The following LGR4 variants were observed in gnomAD, a reference collection of about 807,000 sequenced individuals.
LGR4 encodes the protein leucine-rich repeat-containing G protein-coupled receptor 4.
In LGR4, 44 loss-of-function variants were observed where a neutral mutation model predicts 84.8. That is an observed-to-expected ratio of 0.52 (90% confidence interval 0.41 to 0.67). The LOEUF (loss-of-function observed/expected upper bound fraction) is 0.67. Among genes scored for constraint, LGR4 ranks in the 30% least tolerant of loss-of-function variants. The probability of loss-of-function intolerance (pLI) is 0.00; values close to 1 mark genes in which losing one functional copy is unlikely to be tolerated. For synonymous variants in LGR4, 429 were observed against 434.3 expected (o/e 0.99, Z 0.15); for missense variants, 1,032 against 1,131.4 (o/e 0.91, Z 1.26).
chr11:27,369,163 A>C lies in LGR4; in HGVS notation c.1580-20T>G, dbSNP rs762583974. 9 of 1,530,200 alleles carry C rather than the reference A, an allele frequency of 5.9e-6. No individual in the cohort carries two copies. Among genetic ancestry groups the C allele is most frequent in the Non-Finnish European group, 7.9e-6 (9 of 1,141,118 alleles). 94.8% of individuals were successfully genotyped at this position (1,530,200 alleles called of 1,614,324 possible). A position where few individuals can be genotyped will look rare whatever the true frequency, so the allele number is the denominator to read the frequency against. ...AAGCACCTAAAAAAAACACACACAG[A>C]GAGAGAGAAATAAAAGATAACTTAG... On this transcript the variant is annotated intron_variant, in intron 17 of 17. Coordinates refer to ENST00000379214, the MANE Select transcript of LGR4 (RefSeq NM_018490.5).
At chr11:27,393,804 AC>A (rs1276147595) in intron 2 of LGR4, among the ~76,000 whole-genome samples, 6 of 152,184 alleles carry the variant, frequency 3.9e-5, no homozygotes, top group African/African-American at 1.2e-4. Flanking sequence ...ATGTGAAGTC[AC>A]TGTGGCCTGA....
chr11:27,405,260 C>T (rs10501085), intron 2 of LGR4, among the ~76,000 whole-genome samples: 2,696 of 149,958 alleles, frequency 0.018, 81 homozygotes, highest in African/African-American at 0.062. Flanking sequence ...TGTGAAAAAC[C>T]TCTCCTCCCA....
chr11:27,472,147 G>T lies in LGR4; in HGVS notation c.156C>A (p.Pro52=). 7.2e-7 allele frequency: 1 copy of T among 1,397,440 alleles called. No homozygotes were observed. Among genetic ancestry groups the T allele is most frequent in the Non-Finnish European group, 9.3e-7 (1 of 1,077,474 alleles). The allele number at this position is 1,397,440 out of a possible 1,614,324, so 86.6% of individuals were successfully genotyped here. A position where few individuals can be genotyped will look rare whatever the true frequency, so the allele number is the denominator to read the frequency against. ...CTTGGGTGAAGGCGCTGAGCCCCTC[G>T]GGCACGGCCGTCAGCCCCTTCCCGG... is the stretch of plus-strand genomic sequence containing the variant. ...DCSGKGLTAV[P]EGLSAFTQAL... The change falls in exon 1 of 18, where the codon CCC becomes CCA. Residue 52 remains proline, a synonymous_variant. Coordinates refer to ENST00000379214, the MANE Select transcript of LGR4 (RefSeq NM_018490.5).
chr11:27,402,678 T>A (rs1386648589), intron 2 of LGR4, among the ~76,000 whole-genome samples: 1 of 152,154 alleles, frequency 6.6e-6, no homozygotes, highest in Non-Finnish European at 1.5e-5. Flanking sequence ...TTTCCCAGCA[T>A]CCCCTGCCGT....
intron 1 of LGR4, among the ~76,000 whole-genome samples, chr11:27,462,582 C>A (rs1156510877): frequency 6.6e-6 from 1 of 152,078 alleles, no homozygotes; most frequent in East Asian, 1.9e-4. Context: ...GGCTTTGAAC[C>A]TGATATACAT....
intron 1 of LGR4, among the ~76,000 whole-genome samples, chr11:27,433,331 G>A (rs929573011): frequency 6.6e-6 from 1 of 151,996 alleles, no homozygotes; most frequent in Non-Finnish European, 1.5e-5. Flanking sequence ...TCCTGCCTCA[G>A]ACTCCCCAGT....
At chr11:27,413,627 G>C (rs1337297338) in intron 1 of LGR4, among the ~76,000 whole-genome samples, 1 of 152,156 alleles carries the variant, frequency 6.6e-6, no homozygotes, top group African/African-American at 2.4e-5. Flanking sequence ...ATAAGGGAAA[G>C]TCCCAGCATG....
chr11:27,436,234 T>A (rs943073624), intron 1 of LGR4, among the ~76,000 whole-genome samples: 2 of 151,956 alleles, frequency 1.3e-5, no homozygotes, highest in African/African-American at 4.8e-5. Context: ...TAAAGTCACC[T>A]CGAAATGATG....
chr11:27,404,711 T>A (rs1204103672), intron 2 of LGR4, among the ~76,000 whole-genome samples: 1 of 151,926 alleles, frequency 6.6e-6, no homozygotes, highest in African/African-American at 2.4e-5. Context: ...CCAATCAGGA[T>A]CCCCCTAGGA....
chr11:27,373,457 G>A (rs1468814524), intron 15 of LGR4, 94 bp downstream of exon 15: 3 of 1,260,802 alleles, frequency 2.4e-6, no homozygotes, highest in East Asian at 2.4e-5. Context: ...TAGCCTATCA[G>A]AAAATCTGAG....
chr11:27,399,285 C>A (rs2133384814), intron 2 of LGR4, among the ~76,000 whole-genome samples: 1 of 152,218 alleles, frequency 6.6e-6, no homozygotes, highest in South Asian at 2.1e-4. Flanking sequence ...TACCCAAACA[C>A]AGCCAGGCTG....
chr11:27,381,821 C>T (rs898609492), intron 7 of LGR4, among the ~76,000 whole-genome samples: 6 of 152,202 alleles, frequency 3.9e-5, no homozygotes, highest in African/African-American at 1.4e-4. Flanking sequence ...TAACTCCAAA[C>T]TTCAATTAGG....
chr11:27,376,218 C>A, intron 13 of LGR4, 81 bp downstream of exon 13: 1 of 802,486 alleles, frequency 1.2e-6, no homozygotes, highest in East Asian at 2.6e-5. Flanking sequence ...TTAAGTATAT[C>A]TAGTAACATG....
At position 27,449,262 on chromosome 11, in the gene LGR4, A is replaced by G. The variant is rs541881981; in HGVS notation, c.185+22856T>C. 8.8e-5 allele frequency among the ~76,000 whole-genome samples: 13 copies of G among 147,624 alleles called. No individual in the cohort carries two copies. In the South Asian group the frequency reaches 2.5e-3, roughly 29 times the overall value. On this transcript the variant is annotated intron_variant, in intron 1 of 17. Transcript: ENST00000379214. Reference sequence around the variant, plus strand: ...GAATGTATAGTATCATAATAATTAAAGTTTAACAAAAATCTATTCAATCAT... The same window carrying G: ...GAATGTATAGTATCATAATAATTAAGGTTTAACAAAAATCTATTCAATCAT...
chr11:27,457,546 T>G (rs1864596575), intron 1 of LGR4, among the ~76,000 whole-genome samples: 1 of 152,232 alleles, frequency 6.6e-6, no homozygotes, highest in Non-Finnish European at 1.5e-5. Context: ...AACAATATAT[T>G]GTGACTATAA....
At chr11:27,386,604 C>G (rs1359782640) in intron 4 of LGR4, among the ~76,000 whole-genome samples, 1 of 152,132 alleles carries the variant, frequency 6.6e-6, no homozygotes, top group Non-Finnish European at 1.5e-5. Flanking sequence ...TTGCGCTGTT[C>G]CAACTTCAGT....
intron 1 of LGR4, among the ~76,000 whole-genome samples, chr11:27,440,960 C>T (rs1407620233): frequency 6.6e-6 from 1 of 152,152 alleles, no homozygotes; most frequent in African/African-American, 2.4e-5. Flanking sequence ...GGAACCACTG[C>T]CCGGCTCTCA....
chr11:27,391,226 A>T, intron 3 of LGR4, 61 bp from the exon 4 acceptor site: 1 of 822,336 alleles, frequency 1.2e-6, no homozygotes, highest in Non-Finnish European at 1.9e-6. Context: ...TCTTAGAAAA[A>T]TTCAGAGCCT....
At chr11:27,463,734 C>T (rs776644376) in intron 1 of LGR4, among the ~76,000 whole-genome samples, 2 of 152,004 alleles carry the variant, frequency 1.3e-5, no homozygotes, top group Admixed American at 1.3e-4. Flanking sequence ...TGCAGTGAAC[C>T]GAGATCGTGC....
Sources: gnomAD v4.1 joint callset for allele counts (sites outside exome capture counted in the v4.1 genomes callset) on GRCh38, gnomAD v4.1.1 for gene constraint, MANE v1.5 for transcripts, NCBI Gene and HGNC (gene_info 2026-07-23, HGNC 2026-07-21) for gene names.